Variants in RELN observed in about 807,000 individuals in gnomAD.
RELN encodes the protein reelin.
In RELN, 108 loss-of-function variants were observed where a neutral mutation model predicts 427.6. The observed-to-expected ratio is 0.25, with a 90% CI of 0.22 to 0.30. The LOEUF (loss-of-function observed/expected upper bound fraction) is 0.30. Among genes scored for constraint, RELN ranks in the 10% least tolerant of loss-of-function variants. The pLI, the probability that RELN is intolerant of heterozygous loss-of-function variation, is 1.00. For synonymous variants in RELN, 1,524 were observed against 1,513.4 expected, an observed-to-expected ratio of 1.01 and a Z score of -0.16; for missense variants, 3,715 against 4,302.8, an observed-to-expected ratio of 0.86 and a Z score of 3.82.
intron 64 of RELN, among the ~76,000 whole-genome samples, chr7:103,475,525 A>T (rs1026486827): frequency 6.6e-6 from 1 of 152,252 alleles, no homozygotes; most frequent in Non-Finnish European, 1.5e-5. Context: ...TAAAGGTATA[A>T]GGTACTCAAA....
At chr7:103,945,931 C>A (rs1231948171) in intron 1 of RELN, among the ~76,000 whole-genome samples, 1 of 152,270 alleles carries the variant, frequency 6.6e-6, no homozygotes, top group Non-Finnish European at 1.5e-5. Context: ...GTCTCCTAGG[C>A]TGCACCATCT....
At chr7:103,958,550 C>T (rs1033214734) in intron 1 of RELN, among the ~76,000 whole-genome samples, 1 of 152,138 alleles carries the variant, frequency 6.6e-6, no homozygotes, top group Non-Finnish European at 1.5e-5. Context: ...TGTCATGAGG[C>T]TCTCAGTGTG....
chr7:103,751,122 T>C (rs1432541649), intron 5 of RELN, among the ~76,000 whole-genome samples: 1 of 152,218 alleles, frequency 6.6e-6, no homozygotes, highest in African/African-American at 2.4e-5. Flanking sequence ...ATGGTTTGCT[T>C]AGGAAGTTTG....
intron 3 of RELN, among the ~76,000 whole-genome samples, chr7:103,784,016 T>C (rs1416534338): frequency 6.6e-6 from 1 of 152,172 alleles, no homozygotes; most frequent in Non-Finnish European, 1.5e-5. Flanking sequence ...GGCAGAGTTA[T>C]ATATCCTTTG....
At chr7:103,935,046 A>G (rs1795950756) in intron 1 of RELN, among the ~76,000 whole-genome samples, 1 of 152,246 alleles carries the variant, frequency 6.6e-6, no homozygotes, top group Admixed American at 6.5e-5. Flanking sequence ...TTTCTTTAGC[A>G]CAAGACCTGG....
At chr7:103,501,096 C>A (rs76545984) in intron 52 of RELN, among the ~76,000 whole-genome samples, 174 bp from the exon 53 acceptor site, 2 of 152,102 alleles carry the variant, frequency 1.3e-5, no homozygotes, top group African/African-American at 2.4e-5. Context: ...AGTAATGGAA[C>A]TTTCAAGCTG....
intron 19 of RELN, among the ~76,000 whole-genome samples, chr7:103,632,669 C>A (rs1368212919): frequency 6.6e-6 from 1 of 152,056 alleles, no homozygotes; most frequent in South Asian, 2.1e-4. Flanking sequence ...AGACTTAAGT[C>A]AACTTTCTGC....
intron 4 of RELN, among the ~76,000 whole-genome samples, chr7:103,760,944 C>CA (rs1791283622): frequency 2.0e-5 from 3 of 152,206 alleles, no homozygotes; most frequent in Admixed American, 2.0e-4. Flanking sequence ...ATTTGACCTT[C>CA]AAGTATGATA....
At chr7:103,776,384 T>C (rs1791742439) in intron 4 of RELN, among the ~76,000 whole-genome samples, 173 bp downstream of exon 4, 1 of 152,216 alleles carries the variant, frequency 6.6e-6, no homozygotes, top group African/African-American at 2.4e-5. Context: ...CAAAAGTCTA[T>C]AGATCTTTGT....
At chr7:103,502,711 G>C (rs1829075328) in intron 52 of RELN, among the ~76,000 whole-genome samples, 1 of 152,126 alleles carries the variant, frequency 6.6e-6, no homozygotes, top group South Asian at 2.1e-4. Flanking sequence ...AGAAGGTAGG[G>C]TACACCTTTT....
At chr7:103,550,985 G>A in intron 41 of RELN, 82 bp downstream of exon 41, 3 of 1,156,140 alleles carry the variant, frequency 2.6e-6, no homozygotes, top group Non-Finnish European at 3.8e-6. Flanking sequence ...ATTTCCCCAT[G>A]ATAAAGTGGC....
rs536576515 is a variant in RELN, at chr7:103,720,839, G to A, written c.805+2301C>T. Among the ~76,000 whole-genome samples the A allele has an allele frequency of 1.1e-3, 168 of 152,064 alleles. 2 individuals are homozygous for A. The South Asian group carries it at 0.024, about 22-fold the overall frequency. On this transcript the variant is annotated intron_variant, in intron 8 of 64. Transcript: ENST00000428762. ...GAATGATGTCACACCCTTATACCTC[G>A]TAAACATCCATATAAACAAATGATA...
At chr7:103,850,821 A>G (rs1250285368) in intron 2 of RELN, among the ~76,000 whole-genome samples, 1 of 152,230 alleles carries the variant, frequency 6.6e-6, no homozygotes, top group Non-Finnish European at 1.5e-5. Flanking sequence ...CCAAAATAAA[A>G]AAATCAAAAC....
At chr7:103,916,842 T>C (rs1298461134) in intron 2 of RELN, among the ~76,000 whole-genome samples, 14 of 152,070 alleles carry the variant, frequency 9.2e-5, no homozygotes, top group Admixed American at 7.2e-4. Context: ...ATTGCGGCAG[T>C]GGAGGGAGAG....
intron 2 of RELN, among the ~76,000 whole-genome samples, chr7:103,840,508 C>A (rs894332700): frequency 2.0e-5 from 3 of 152,156 alleles, no homozygotes; most frequent in African/African-American, 7.2e-5. Flanking sequence ...TCTTTTGGGG[C>A]TCCTCATTGT....
At position 103,596,510 on chromosome 7, in the gene RELN, C is replaced by T; in HGVS notation, c.3485G>A (p.Gly1162Asp). 6.2e-7 allele frequency: 1 copy of T among 1,613,986 alleles called. No individual in the cohort carries two copies. Among genetic ancestry groups the T allele is most frequent in the Non-Finnish European group, 8.5e-7 (1 of 1,179,918 alleles). Residue 1162 changes from glycine (G) to aspartate (D), a missense_variant, in exon 25 of 65, where the codon GGC becomes GAC. Coordinates refer to ENST00000428762, the MANE Select transcript of RELN (RefSeq NM_005045.4). ...CTCTGCTAGCAGGTGCCACTGGATG[C>T]CCCCATTGTTGCTGTACTGAAGGAG... The part of the protein sequence containing the change: ...GVLLQYSNNG[G>D]IQWHLLAEMY...
At position 103,629,976 on chromosome 7, in the gene RELN, T is replaced by C. The variant is rs757941136; in HGVS notation, c.2666A>G (p.Asn889Ser). The C allele has an allele frequency of 1.2e-6, 2 of 1,613,660 alleles. No individual in the cohort carries two copies. The highest frequency in any genetic ancestry group is 2.2e-5 in the East Asian group (1 of 44,834). Residue 889 changes from asparagine (N) to serine (S), a missense_variant, in exon 20 of 65, where the codon AAT becomes AGT. Physicochemically the swap from Asn to Ser is conservative, Grantham distance 46. Around this residue, in one of 4 missense-constraint regions of RELN, gnomAD observed 2,208 missense variants for 2,361.7 expected, o/e 0.93. Transcript: ENST00000428762. The stretch of plus-strand genomic sequence containing the variant: ...GTCGTGGCCACAGTATGGCTGAACA[T>C]TTCCAAGGTAGAATCCCAGAGACTG... ...VTQSLGFYLG[N>S]VQPYCGHDWT...
In RELN at chr7:103,482,963, C is replaced by T. The variant is rs866584196; in HGVS notation, c.10190G>A (p.Arg3397Gln). ...CCAGCGCAGTAAGACTCCTTTCATC[C>T]GTGCCTCCCTGGGTCACACACAGAA... The part of the protein sequence containing the change: ...RVSYNVPLEA[R>Q]MKGVLLRWWQ... Residue 3397 changes from arginine to glutamine, a missense_variant, in exon 63 of 65, where the codon CGG becomes CAG. This residue lies in a region of RELN where 195 missense variants were observed against 281.3 expected (regional missense o/e 0.69). Coordinates refer to ENST00000428762, the MANE Select transcript of RELN (RefSeq NM_005045.4). 24 of 1,613,894 alleles carry T rather than the reference C, an allele frequency of 1.5e-5. No individual in the cohort carries two copies. The highest frequency in any genetic ancestry group is 4.5e-5 in the East Asian group (2 of 44,894).
chr7:103,985,285 A>T (rs571701651), intron 1 of RELN, among the ~76,000 whole-genome samples: 1 of 152,080 alleles, frequency 6.6e-6, no homozygotes, highest in African/African-American at 2.4e-5. Flanking sequence ...TCAAGGCCAA[A>T]TTTTTTTCTC....
Sources: gnomAD v4.1 joint callset for allele counts (sites outside exome capture counted in the v4.1 genomes callset) on GRCh38, gnomAD v4.1.1 for gene constraint, gnomAD v4.1.1 regional missense constraint, MANE v1.5 for transcripts, NCBI Gene and HGNC (gene_info 2026-07-23, HGNC 2026-07-21) for gene names.